CFAP20DC: variants seen among roughly 807,000 people sequenced by gnomAD.
The protein encoded by CFAP20DC is CFAP20 domain containing.
In CFAP20DC, 84 loss-of-function variants were observed where a neutral mutation model predicts 101.7. That is an observed-to-expected ratio of 0.83 (90% CI 0.69 to 0.99). The LOEUF (loss-of-function observed/expected upper bound fraction) is 0.99. Ranked by LOEUF, CFAP20DC falls within the 50% of genes least tolerant of loss-of-function variation. The pLI, the probability that CFAP20DC is intolerant of heterozygous loss-of-function variation, is 0.00. For synonymous variants in CFAP20DC, 359 were observed against 351.2 expected (o/e 1.02, Z -0.25); for missense variants, 1,007 against 970.3 (o/e 1.04, Z -0.50).
chr3:58,771,727 G>A (rs184189636), intron 15 of CFAP20DC, among the ~76,000 whole-genome samples: 16 of 152,226 alleles, frequency 1.1e-4, no homozygotes, highest in African/African-American at 3.4e-4. Context: ...CAATCTCTAC[G>A]AACAAATCTT....
chr3:58,802,209 T>C (rs1466622373), intron 15 of CFAP20DC, among the ~76,000 whole-genome samples: 3 of 152,210 alleles, frequency 2.0e-5, no homozygotes, highest in Non-Finnish European at 2.9e-5. Context: ...TCTAAATAAA[T>C]GTGCCTAAGG....
Position 58,788,017 on chromosome 3 carries a change from T to C in CFAP20DC, c.2237+18378A>G, listed in dbSNP as rs1475662549. On this transcript the variant is annotated intron_variant, in intron 15 of 16. Coordinates refer to ENST00000482387, the MANE Select transcript of CFAP20DC (RefSeq NM_001394063.1). This position sits in a 1 kb window ranked among gnomAD's most constrained non-coding sequence, Gnocchi z 4.2. ...TGGGGTGCTAGGGGAGGGATAGCATTAGGAGAAACACCTAATGTAGATGAT... is the reference window on the plus strand; with the variant it reads ...TGGGGTGCTAGGGGAGGGATAGCATCAGGAGAAACACCTAATGTAGATGAT... Among the ~76,000 whole-genome samples, 2 of 151,814 alleles carry C rather than the reference T, an allele frequency of 1.3e-5. No homozygotes were observed. Among genetic ancestry groups the C allele is most frequent in the African/African-American group, 2.4e-5 (1 of 41,292 alleles).
chr3:58,749,562 T>G (rs960138714), intron 16 of CFAP20DC, among the ~76,000 whole-genome samples: 1 of 152,216 alleles, frequency 6.6e-6, no homozygotes, highest in Non-Finnish European at 1.5e-5. Flanking sequence ...AACAACCATA[T>G]GGGAATATTT....
At chr3:59,022,409 G>A (rs987283080) in intron 4 of CFAP20DC, among the ~76,000 whole-genome samples, 12 of 151,994 alleles carry the variant, frequency 7.9e-5, no homozygotes, top group Non-Finnish European at 1.5e-5. Context: ...GAATTGAGCT[G>A]CCAAAGCTTT....
intron 15 of CFAP20DC, among the ~76,000 whole-genome samples, chr3:58,767,773 GA>G (rs2070453274): frequency 1.3e-5 from 2 of 152,278 alleles, no homozygotes; most frequent in Non-Finnish European, 2.9e-5. Context: ...TCTCTAACCA[GA>G]TTCTTAATAT....
At chr3:58,889,496 A>G (rs1358731376) in intron 6 of CFAP20DC, among the ~76,000 whole-genome samples, 1 of 151,930 alleles carries the variant, frequency 6.6e-6, no homozygotes, top group Non-Finnish European at 1.5e-5. Flanking sequence ...TCTATTTACC[A>G]AACCATAAGT....
rs1332738376 is a variant in CFAP20DC at position 58,832,586 on chromosome 3, T to C, written c.1972-697A>G. 2.6e-5 allele frequency among the ~76,000 whole-genome samples: 4 copies of C among 152,288 alleles called. No homozygotes were observed. The East Asian group carries it at 5.8e-4, about 22-fold the overall frequency. On this transcript the variant is annotated intron_variant, in intron 13 of 16. Coordinates refer to ENST00000482387, the MANE Select transcript of CFAP20DC (RefSeq NM_001394063.1). ...GCAGTAAGATTGAGAATGACTAGTA[T>C]TGGTAAAAGCCATCAAGTAAAATTT...
chr3:59,027,819 A>G (rs1287880142), intron 4 of CFAP20DC, among the ~76,000 whole-genome samples: 1 of 152,204 alleles, frequency 6.6e-6, no homozygotes, highest in African/African-American at 2.4e-5. Context: ...CCACACAGGG[A>G]AGCCACGGGC....
At chr3:58,777,804 C>T (rs1386899903) in intron 15 of CFAP20DC, among the ~76,000 whole-genome samples, 2 of 152,040 alleles carry the variant, frequency 1.3e-5, no homozygotes, top group South Asian at 2.1e-4. Flanking sequence ...CCTTGAGGGC[C>T]GGCCTCAAGG....
intron 4 of CFAP20DC, among the ~76,000 whole-genome samples, chr3:58,941,956 A>G (rs1404899185): frequency 6.6e-6 from 1 of 152,180 alleles, no homozygotes; most frequent in East Asian, 1.9e-4. Context: ...TCCCAATCAC[A>G]GGGAGAAAGT....
rs1217918549 is a variant in CFAP20DC at position 58,742,289 on chromosome 3, G to A, written c.*171C>T. ...TCAAAATCATACTCATCTACAAAAG[G>A]AATATAGGTATTCTTAACGTTGAAC... On this transcript the variant is annotated 3_prime_UTR_variant, in exon 17 of 17. Coordinates refer to ENST00000482387, the MANE Select transcript of CFAP20DC (RefSeq NM_001394063.1). 1.7e-6 allele frequency: 2 copies of A among 1,207,264 alleles called. No homozygotes were observed. The highest frequency in any genetic ancestry group is 3.1e-5 in the African/African-American group (2 of 63,786). The allele number at this position is 1,207,264 out of a possible 1,614,324, so 74.8% of individuals were successfully genotyped here.
intron 14 of CFAP20DC, among the ~76,000 whole-genome samples, chr3:58,827,694 T>C (rs2076135978): frequency 6.6e-6 from 1 of 152,204 alleles, no homozygotes; most frequent in Non-Finnish European, 1.5e-5. Flanking sequence ...TCACTCCCTC[T>C]CACGTGTTCC....
intron 6 of CFAP20DC, among the ~76,000 whole-genome samples, chr3:58,900,483 C>G (rs1349672330): frequency 1.3e-5 from 2 of 152,174 alleles, no homozygotes; most frequent in Non-Finnish European, 2.9e-5. Flanking sequence ...TATTAAGGGA[C>G]CAGGGCCTGT....
chr3:58,936,732 C>T (rs963159182), intron 5 of CFAP20DC, among the ~76,000 whole-genome samples: 3 of 151,998 alleles, frequency 2.0e-5, no homozygotes, highest in African/African-American at 7.3e-5. Flanking sequence ...AATGAGAACA[C>T]ATGGACACAG....
At chr3:58,775,597 G>A (rs930220327) in intron 15 of CFAP20DC, among the ~76,000 whole-genome samples, 2 of 152,132 alleles carry the variant, frequency 1.3e-5, no homozygotes, top group African/African-American at 4.8e-5. Flanking sequence ...AAAGGGAAGT[G>A]GAAGGGAAGT....
chr3:58,855,537 C>G (rs867154284), intron 12 of CFAP20DC, among the ~76,000 whole-genome samples: 1 of 151,726 alleles, frequency 6.6e-6, no homozygotes, highest in Non-Finnish European at 1.5e-5. Flanking sequence ...CACGTGCACA[C>G]ATGTTTATTG....
chr3:58,884,491 T>C (rs1410811521), intron 7 of CFAP20DC, 54 bp downstream of exon 7: 6 of 1,542,716 alleles, frequency 3.9e-6, no homozygotes, highest in Non-Finnish European at 4.5e-6. Context: ...AGTCACACTT[T>C]ATGGGAGAGA....
intron 4 of CFAP20DC, among the ~76,000 whole-genome samples, chr3:58,959,846 T>C (rs1300742434): frequency 6.6e-6 from 1 of 152,224 alleles, no homozygotes; most frequent in African/African-American, 2.4e-5. Flanking sequence ...TTGCAGAAGA[T>C]TGTCATCTTA....
intron 3 of CFAP20DC, among the ~76,000 whole-genome samples, chr3:59,041,702 C>A (rs1699402656): frequency 6.6e-6 from 1 of 152,020 alleles, no homozygotes; most frequent in Non-Finnish European, 1.5e-5. Context: ...CTGTCAGAAA[C>A]AAACTACCTA....
Sources: allele counts gnomAD v4.1 joint callset (sites outside exome capture counted in the v4.1 genomes callset), GRCh38; gene constraint gnomAD v4.1.1; non-coding constraint Gnocchi (gnomAD v3.1); transcripts MANE v1.5; gene names NCBI Gene and HGNC (gene_info 2026-07-23, HGNC 2026-07-21).